The following KLHL14 variants were observed in gnomAD, a reference collection of about 807,000 sequenced individuals.
The protein encoded by KLHL14 is kelch-like protein 14.
KLHL14 carries 22 observed loss-of-function variants against 64.3 expected under a neutral mutation model. The observed-to-expected ratio is 0.34, with a 90% CI of 0.24 to 0.49. KLHL14 has a LOEUF of 0.49. KLHL14 is among the 20% of genes least tolerant of loss of function. The pLI, the probability that KLHL14 is intolerant of heterozygous loss-of-function variation, is 0.99. For missense variants in KLHL14, 661 were observed against 789.0 expected (o/e 0.84, Z 1.94); for synonymous variants, 322 against 333.4 (o/e 0.97, Z 0.37).
intron 2 of KLHL14, among the ~76,000 whole-genome samples, chr18:32,749,324 CAAGTT>C (rs974158473): frequency 1.3e-5 from 2 of 152,182 alleles, no homozygotes; most frequent in African/African-American, 4.8e-5. Flanking sequence ...AGGTTAATTA[CAAGTT>C]AAGAGTCATC....
At chr18:32,757,941 A>G (rs2144546139) in intron 2 of KLHL14, among the ~76,000 whole-genome samples, 1 of 152,302 alleles carries the variant, frequency 6.6e-6, no homozygotes, top group South Asian at 2.1e-4. Context: ...AAATAGTATA[A>G]CATGTTCCTG....
chr18:32,695,576 G>A, intron 3 of KLHL14, 24 bp from the exon 4 acceptor site: 4 of 1,326,590 alleles, frequency 3.0e-6, no homozygotes, highest in Non-Finnish European at 4.3e-6. Context: ...AAAAAAAAAA[G>A]ACATATGAAA....
chr18:32,704,904 G>A (rs1393648621), intron 3 of KLHL14, among the ~76,000 whole-genome samples: 1 of 152,132 alleles, frequency 6.6e-6, no homozygotes, highest in Non-Finnish European at 1.5e-5. Flanking sequence ...CAGATAAATA[G>A]GATACAGAGT....
intron 4 of KLHL14, among the ~76,000 whole-genome samples, chr18:32,693,227 A>C (rs2049917252): frequency 6.6e-6 from 1 of 152,110 alleles, no homozygotes. Context: ...CGCAAGGTGT[A>C]ACCAGTTCTC....
intron 4 of KLHL14, among the ~76,000 whole-genome samples, chr18:32,695,138 C>T (rs1243963085): frequency 1.3e-5 from 2 of 152,138 alleles, no homozygotes; most frequent in Non-Finnish European, 2.9e-5. Context: ...GGATTCTTAA[C>T]AGCTGCAGCT....
At chr18:32,756,935 A>C (rs973143625) in intron 2 of KLHL14, among the ~76,000 whole-genome samples, 1 of 152,196 alleles carries the variant, frequency 6.6e-6, no homozygotes, top group Non-Finnish European at 1.5e-5. Context: ...TGCATTCTAC[A>C]ACCTGTGAAA....
At chr18:32,713,968 G>A (rs1304061065) in intron 3 of KLHL14, among the ~76,000 whole-genome samples, 2 of 152,040 alleles carry the variant, frequency 1.3e-5, no homozygotes, top group Admixed American at 6.6e-5. Flanking sequence ...ATCTACCTTT[G>A]ATAAAATTTA....
chr18:32,737,382 A>G, intron 3 of KLHL14: 1 of 152,198 alleles, frequency 6.6e-6, no homozygotes, highest in Non-Finnish European at 1.5e-5. Context: ...CAAGAAACAG[A>G]AGGGCCAAGG....
At chr18:32,765,208 C>T (rs73411269) in intron 2 of KLHL14, among the ~76,000 whole-genome samples, 10,740 of 152,238 alleles carry the variant, frequency 0.071, 466 homozygotes, top group African/African-American at 0.12. Flanking sequence ...TCAACATCAC[C>T]TGTTACGCAG....
intron 3 of KLHL14, among the ~76,000 whole-genome samples, chr18:32,720,074 C>T (rs938559317): frequency 9.9e-5 from 15 of 152,092 alleles, no homozygotes; most frequent in Admixed American, 6.6e-5. Context: ...CATTCCATAC[C>T]AAAGAAGAGG....
At chr18:32,764,393 C>A (rs1262115634) in intron 2 of KLHL14, among the ~76,000 whole-genome samples, 4 of 152,044 alleles carry the variant, frequency 2.6e-5, no homozygotes, top group African/African-American at 9.7e-5. Flanking sequence ...TCTAACTTAG[C>A]ACGGTAGAAT....
At chr18:32,694,231 G>T (rs540641370) in intron 4 of KLHL14, among the ~76,000 whole-genome samples, 2 of 152,308 alleles carry the variant, frequency 1.3e-5, no homozygotes, top group Non-Finnish European at 2.9e-5. Flanking sequence ...CAGATTATTT[G>T]CTTAGATAAA....
chr18:32,685,990 G>C (rs2049875438), intron 5 of KLHL14, among the ~76,000 whole-genome samples: 1 of 151,364 alleles, frequency 6.6e-6, no homozygotes, highest in African/African-American at 2.4e-5. Context: ...AAAGAATGCT[G>C]CTGCTGATTC....
chr18:32,769,458 A>G (rs1484093955), intron 2 of KLHL14, among the ~76,000 whole-genome samples, 187 bp downstream of exon 2: 2 of 152,080 alleles, frequency 1.3e-5, no homozygotes, highest in Non-Finnish European at 1.5e-5. Flanking sequence ...CCAGTTCCCT[A>G]TTGACCTTTC....
At chr18:32,703,341 A>G (rs533117166) in intron 3 of KLHL14, among the ~76,000 whole-genome samples, 77 of 152,260 alleles carry the variant, frequency 5.1e-4, no homozygotes, top group African/African-American at 1.9e-3. Context: ...ATTTTTTTGG[A>G]AGGTGGAAAA....
At chr18:32,712,856 AC>A (rs2050026871) in intron 3 of KLHL14, among the ~76,000 whole-genome samples, 1 of 152,108 alleles carries the variant, frequency 6.6e-6, no homozygotes, top group South Asian at 2.1e-4. Flanking sequence ...CATATCATGT[AC>A]CTGAAACATT....
intron 2 of KLHL14, among the ~76,000 whole-genome samples, chr18:32,747,585 A>T (rs1268741853): frequency 6.6e-6 from 1 of 152,198 alleles, no homozygotes. Flanking sequence ...TCAGGTGGTA[A>T]TGCAAGTGAT....
chr18:32,742,498 A>C (rs2050204113), intron 2 of KLHL14, among the ~76,000 whole-genome samples: 1 of 152,152 alleles, frequency 6.6e-6, no homozygotes, highest in East Asian at 1.9e-4. Context: ...TTGTGAGCCA[A>C]CTCTTTAATC....
At chr18:32,742,634 C>A (rs2050204702) in intron 2 of KLHL14, among the ~76,000 whole-genome samples, 1 of 152,096 alleles carries the variant, frequency 6.6e-6, no homozygotes, top group Non-Finnish European at 1.5e-5. Context: ...CCTTCTTCCC[C>A]TTCCCCCACT....
Sources: gnomAD v4.1 joint callset for allele counts (sites outside exome capture counted in the v4.1 genomes callset) on GRCh38, gnomAD v4.1.1 for gene constraint, MANE v1.5 for transcripts, NCBI Gene and HGNC (gene_info 2026-07-23, HGNC 2026-07-21) for gene names.